Variants in VWA8 observed in about 807,000 individuals in gnomAD.
VWA8 encodes the protein von Willebrand factor A domain-containing protein 8.
In VWA8, 221 loss-of-function variants were observed where a neutral mutation model predicts 241.5. That is an observed-to-expected ratio of 0.91 (90% confidence interval 0.82 to 1.02). The LOEUF (loss-of-function observed/expected upper bound fraction) is 1.02. VWA8 is among the 50% of genes least tolerant of loss of function. VWA8 has a pLI of 0.00. For missense variants in VWA8, 2,322 were observed against 2,328.7 expected, an observed-to-expected ratio of 1.00 and a Z score of 0.06; for synonymous variants, 852 against 827.1, an observed-to-expected ratio of 1.03 and a Z score of -0.52.
chr13:41,846,171 G>C (rs1593813039), intron 12 of VWA8, among the ~76,000 whole-genome samples: 1 of 151,986 alleles, frequency 6.6e-6, no homozygotes, highest in South Asian at 2.1e-4. Flanking sequence ...AAGTAGGTGG[G>C]AATACAGGTG....
chr13:41,908,569 G>T (rs1475462949), intron 3 of VWA8, among the ~76,000 whole-genome samples: 1 of 151,948 alleles, frequency 6.6e-6, no homozygotes, highest in East Asian at 1.9e-4. Context: ...TTAAAAAGGA[G>T]AGGAAGGAGG....
chr13:41,596,822 C>T (rs1412363164), intron 40 of VWA8, among the ~76,000 whole-genome samples: 1 of 150,988 alleles, frequency 6.6e-6, no homozygotes, highest in Non-Finnish European at 1.5e-5. Context: ...CACACACACA[C>T]ACACACACAC....
chr13:41,958,615 T>C (rs1878451725), intron 1 of VWA8, among the ~76,000 whole-genome samples: 1 of 152,212 alleles, frequency 6.6e-6, no homozygotes, highest in African/African-American at 2.4e-5. Flanking sequence ...ACTTCCATCT[T>C]GATAGCCTTA....
intron 27 of VWA8, 121 bp downstream of exon 27, chr13:41,703,182 A>G: frequency 1.3e-6 from 1 of 779,806 alleles, no homozygotes; most frequent in South Asian, 1.9e-5. Context: ...TGAAAGTTAG[A>G]GCAGAAGCTA....
At chr13:41,581,854 A>G (rs2044385181) in intron 42 of VWA8, among the ~76,000 whole-genome samples, 1 of 152,218 alleles carries the variant, frequency 6.6e-6, no homozygotes, top group African/African-American at 2.4e-5. Flanking sequence ...AAGGAGGTGT[A>G]TTTCAAGATT....
rs114393404 is a variant in VWA8 at position 41,930,736 on chromosome 13, T to G, written c.242-18568A>C. Among the ~76,000 whole-genome samples, 958 of 152,300 alleles carry G rather than the reference T, an allele frequency of 6.3e-3. 6 individuals are homozygous for G. Among genetic ancestry groups the G allele is most frequent in the African/African-American group, 0.022 (910 of 41,578 alleles). ...ATACATTAAACACAACTGGACTTCA[T>G]GTTTAGAGTTGGGTCCCATCCCCGC... is the stretch of plus-strand genomic sequence containing the variant. On this transcript the variant is annotated intron_variant, in intron 2 of 44. Coordinates refer to ENST00000379310, the MANE Select transcript of VWA8 (RefSeq NM_015058.2).
chr13:41,857,985 T>C (rs1872827071), intron 12 of VWA8, among the ~76,000 whole-genome samples: 3 of 152,202 alleles, frequency 2.0e-5, no homozygotes, highest in Non-Finnish European at 2.9e-5. Context: ...CTATGTGTTA[T>C]TGAGCTGGGA....
At chr13:41,775,796 T>C (rs1348310190) in intron 20 of VWA8, among the ~76,000 whole-genome samples, 1 of 152,240 alleles carries the variant, frequency 6.6e-6, no homozygotes, top group Non-Finnish European at 1.5e-5. Context: ...CAGTCTCTGC[T>C]TCATTCATCA....
At chr13:41,671,653 G>C (rs1294267008) in intron 36 of VWA8, among the ~76,000 whole-genome samples, 1 of 152,096 alleles carries the variant, frequency 6.6e-6, no homozygotes, top group Non-Finnish European at 1.5e-5. Flanking sequence ...TGTGAGGGTA[G>C]AGCCTCTTTT....
intron 41 of VWA8, among the ~76,000 whole-genome samples, chr13:41,589,063 T>G (rs2044438041): frequency 6.6e-6 from 1 of 152,038 alleles, no homozygotes; most frequent in South Asian, 2.1e-4. Context: ...CCTCTCTAAA[T>G]AAATATTTAA....
At chr13:41,806,486 A>T (rs1870215760) in intron 17 of VWA8, among the ~76,000 whole-genome samples, 1 of 151,994 alleles carries the variant, frequency 6.6e-6, no homozygotes, top group Non-Finnish European at 1.5e-5. Flanking sequence ...AGCGGATCAC[A>T]AGGTCAGGAG....
rs891067631 is a variant in VWA8, at chr13:41,625,871, G to A, written c.4612-10787C>T. 5.9e-5 allele frequency among the ~76,000 whole-genome samples: 9 copies of A among 151,878 alleles called. No homozygotes were observed. The South Asian group carries it at 8.4e-4, about 14-fold the overall frequency. ...TGATAGACTGGATTAAGAAAATGTG[G>A]CACATATACACCATGGAATACTATG... On this transcript the variant is annotated intron_variant, in intron 37 of 44. Transcript: ENST00000379310.
intron 44 of VWA8, among the ~76,000 whole-genome samples, chr13:41,569,304 G>GTAT (rs1348601316): frequency 1.3e-5 from 2 of 152,240 alleles, no homozygotes; most frequent in African/African-American, 4.8e-5. Flanking sequence ...ATCTCAACTA[G>GTAT]TATTTGTTGA....
chr13:41,803,489 C>T (rs1372251370), intron 17 of VWA8, among the ~76,000 whole-genome samples: 1 of 152,180 alleles, frequency 6.6e-6, no homozygotes, highest in Non-Finnish European at 1.5e-5. Context: ...ACAATCATGG[C>T]AGAAAGTGAA....
At chr13:41,852,946 T>C (rs1454341462) in intron 12 of VWA8, among the ~76,000 whole-genome samples, 1 of 152,174 alleles carries the variant, frequency 6.6e-6, no homozygotes, top group Non-Finnish European at 1.5e-5. Context: ...TGTGGTTCCA[T>C]ATGAATTTTA....
chr13:41,664,004 T>A (rs1398683044), intron 37 of VWA8, among the ~76,000 whole-genome samples: 1 of 151,820 alleles, frequency 6.6e-6, no homozygotes. Flanking sequence ...TAGGCTTTTA[T>A]GTTAGATAAT....
chr13:41,956,672 C>G (rs1456592307), intron 1 of VWA8, among the ~76,000 whole-genome samples: 1 of 152,152 alleles, frequency 6.6e-6, no homozygotes, highest in African/African-American at 2.4e-5. Flanking sequence ...AAAGTTATTT[C>G]TATCTAATCC....
chr13:41,909,024 A>T (rs1875863823), intron 3 of VWA8, among the ~76,000 whole-genome samples: 1 of 151,636 alleles, frequency 6.6e-6, no homozygotes, highest in Non-Finnish European at 1.5e-5. Flanking sequence ...CCCATGTTAC[A>T]TAACTTTATG....
intron 21 of VWA8, among the ~76,000 whole-genome samples, chr13:41,748,577 G>GT (rs1335444683): frequency 3.3e-5 from 5 of 151,910 alleles, no homozygotes; most frequent in Non-Finnish European, 4.4e-5. Context: ...TTTTTGAAGG[G>GT]TTTTTTTGTG....
Sources: gnomAD v4.1 joint callset for allele counts (sites outside exome capture counted in the v4.1 genomes callset) on GRCh38, gnomAD v4.1.1 for gene constraint, MANE v1.5 for transcripts, NCBI Gene and HGNC (gene_info 2026-07-23, HGNC 2026-07-21) for gene names.